Variants in ZBTB7C observed in about 807,000 individuals in gnomAD.
The protein encoded by ZBTB7C is zinc finger and BTB domain containing 7C, also known as zinc finger and BTB domain-containing protein 7C.
In ZBTB7C, 8 loss-of-function variants were observed where a neutral mutation model predicts 25.7. The ratio of observed to expected loss-of-function variants is 0.31; its 90% CI spans 0.18 to 0.56. ZBTB7C has a LOEUF of 0.56. ZBTB7C is among the 20% of genes least tolerant of loss of function. The pLI is 0.91. For missense variants in ZBTB7C, 824 were observed against 855.2 expected, an observed-to-expected ratio of 0.96 and a Z score of 0.46; for synonymous variants, 394 against 369.0, an observed-to-expected ratio of 1.07 and a Z score of -0.78.
chr18:48,035,717 G>T (rs1363479891), intron 4 of ZBTB7C, among the ~76,000 whole-genome samples: 1 of 152,242 alleles, frequency 6.6e-6, no homozygotes, highest in Non-Finnish European at 1.5e-5. Flanking sequence ...TTATCTTCCT[G>T]AGATCACATG....
chr18:48,406,652 G>C (rs2048289857), intron 1 of ZBTB7C, among the ~76,000 whole-genome samples: 1 of 152,194 alleles, frequency 6.6e-6, no homozygotes, highest in African/African-American at 2.4e-5. Context: ...ATTTCTATCT[G>C]TTCATGAAAG....
At chr18:48,195,405 T>C (rs1260162853) in intron 2 of ZBTB7C, among the ~76,000 whole-genome samples, 1 of 152,186 alleles carries the variant, frequency 6.6e-6, no homozygotes, top group Non-Finnish European at 1.5e-5. Flanking sequence ...ATACGTCTCA[T>C]GAGATCTGAT....
intron 2 of ZBTB7C, among the ~76,000 whole-genome samples, chr18:48,312,523 G>A (rs1792163394): frequency 6.6e-6 from 1 of 152,186 alleles, no homozygotes; most frequent in South Asian, 2.1e-4. Context: ...CATGACTTCT[G>A]GAGTCAGATT....
intron 3 of ZBTB7C, among the ~76,000 whole-genome samples, chr18:48,161,233 G>C (rs1209204963): frequency 6.6e-6 from 1 of 152,032 alleles, no homozygotes; most frequent in South Asian, 2.1e-4. Context: ...TGGGGGACGG[G>C]GGCAGGGAAA....
At chr18:48,205,344 T>C (rs1466947682) in intron 2 of ZBTB7C, among the ~76,000 whole-genome samples, 1 of 151,754 alleles carries the variant, frequency 6.6e-6, no homozygotes, top group Admixed American at 6.6e-5. Flanking sequence ...CATTAACAAA[T>C]TAAATACCTA....
rs2035557007 is a variant in ZBTB7C, at chr18:48,027,347, T to A, written c.*1913A>T. 6.6e-6 allele frequency: 1 copy of A among 151,190 alleles called. No homozygotes were observed. Among genetic ancestry groups the A allele is most frequent in the Non-Finnish European group, 1.5e-5 (1 of 67,898 alleles). The allele number at this position is 151,190 out of a possible 1,614,324, so 9.4% of individuals were successfully genotyped here. A position where few individuals can be genotyped will look rare whatever the true frequency, so the allele number is the denominator to read the frequency against. On this transcript the variant is annotated 3_prime_UTR_variant, in exon 5 of 5. Coordinates refer to ENST00000590800, the MANE Select transcript of ZBTB7C (RefSeq NM_001318841.2). ...AAGCCCCAACACCACTGGATTCCAA[T>A]TTATTCATGTTTCCTTTTTTTTTTT...
intron 3 of ZBTB7C, among the ~76,000 whole-genome samples, chr18:48,131,275 C>T (rs8093876): frequency 0.87 from 131,795 of 152,258 alleles, 57,338 homozygotes; most frequent in African/African-American, 0.94. Context: ...GACTAAGCAC[C>T]ATTTGATGGT....
intron 1 of ZBTB7C, among the ~76,000 whole-genome samples, chr18:48,393,163 C>A (rs1437101507): frequency 6.6e-6 from 1 of 152,132 alleles, no homozygotes; most frequent in East Asian, 1.9e-4. Context: ...CCCTGAAGAG[C>A]CCACCTGCCA....
chr18:48,338,912 G>GT (rs958189109), intron 1 of ZBTB7C, among the ~76,000 whole-genome samples: 2 of 49,996 alleles, frequency 4.0e-5, no homozygotes, highest in Admixed American at 4.7e-4. Flanking sequence ...GTAGTTTGTT[G>GT]GGGGGGGGGG....
At chr18:48,373,191 T>G (rs1357992778) in intron 1 of ZBTB7C, among the ~76,000 whole-genome samples, 1 of 151,316 alleles carries the variant, frequency 6.6e-6, no homozygotes, top group Non-Finnish European at 1.5e-5. Flanking sequence ...GGTGGGAGGA[T>G]TTGATCTTGG....
rs75737494 is a variant in ZBTB7C, at chr18:48,055,114, C to G, written c.-16-13991G>C. Among the ~76,000 whole-genome samples, 17 of 152,006 alleles carry G rather than the reference C, an allele frequency of 1.1e-4. No individual in the cohort carries two copies. The East Asian group carries it at 3.1e-3, about 28-fold the overall frequency. On this transcript the variant is annotated intron_variant, in intron 3 of 4. Transcript: ENST00000590800. ...CAAAGAAGTAGGAACCAATAAAGAA[C>G]CTAATGTGGGGCTGGGCATGGTGGC...
intron 3 of ZBTB7C, among the ~76,000 whole-genome samples, chr18:48,139,694 C>A (rs2040282900): frequency 6.6e-6 from 1 of 152,014 alleles, no homozygotes; most frequent in African/African-American, 2.4e-5. Flanking sequence ...AGTGGGGAGC[C>A]CCGCCCCACC....
intron 2 of ZBTB7C, among the ~76,000 whole-genome samples, chr18:48,258,848 G>T (rs1188189967): frequency 6.6e-6 from 1 of 152,038 alleles, no homozygotes; most frequent in Non-Finnish European, 1.5e-5. Context: ...AGTAGAGACG[G>T]GTTTTGCTAT....
chr18:48,385,751 G>A (rs746316727), intron 1 of ZBTB7C, among the ~76,000 whole-genome samples: 52 of 152,270 alleles, frequency 3.4e-4, no homozygotes, highest in Non-Finnish European at 6.3e-4. Context: ...GATATTTGCC[G>A]AGTCGTGATT....
intron 3 of ZBTB7C, among the ~76,000 whole-genome samples, chr18:48,115,673 C>T (rs975329894): frequency 3.9e-5 from 6 of 152,142 alleles, no homozygotes; most frequent in Non-Finnish European, 7.3e-5. Context: ...GATGAACATT[C>T]GTATACTAGT....
At chr18:48,304,538 G>A (rs2045622807) in intron 2 of ZBTB7C, among the ~76,000 whole-genome samples, 1 of 152,200 alleles carries the variant, frequency 6.6e-6, no homozygotes, top group Admixed American at 6.5e-5. Flanking sequence ...AGCCAGGCAT[G>A]GTGGCAGGTG....
intron 2 of ZBTB7C, among the ~76,000 whole-genome samples, chr18:48,254,125 G>C (rs1163726970): frequency 6.6e-6 from 1 of 152,208 alleles, no homozygotes; most frequent in South Asian, 2.1e-4. Context: ...TGTTGGTAAG[G>C]TTTTCCTTTT....
intron 3 of ZBTB7C, among the ~76,000 whole-genome samples, chr18:48,133,601 ATTTT>A (rs10578146): frequency 2.7e-4 from 38 of 143,052 alleles, no homozygotes; most frequent in African/African-American, 7.1e-4. Flanking sequence ...TCCCCACGCT[ATTTT>A]TTTTTTTTTT....
At chr18:48,228,717 A>G (rs1019061826) in intron 2 of ZBTB7C, among the ~76,000 whole-genome samples, 1 of 142,858 alleles carries the variant, frequency 7.0e-6, no homozygotes, top group Non-Finnish European at 1.5e-5. Context: ...GCTCAGAGGG[A>G]GTCTCTCTCT....
Sources: allele counts gnomAD v4.1 joint callset (sites outside exome capture counted in the v4.1 genomes callset), GRCh38; gene constraint gnomAD v4.1.1; transcripts MANE v1.5; gene names NCBI Gene and HGNC (gene_info 2026-07-23, HGNC 2026-07-21).